Variants in PLEKHG1 observed in about 807,000 individuals in gnomAD.
PLEKHG1 encodes pleckstrin homology and RhoGEF domain containing G1.
PLEKHG1 carries 44 observed loss-of-function variants against 100.8 expected under a neutral mutation model. The observed-to-expected ratio is 0.44, with a 90% CI of 0.34 to 0.56. The LOEUF is 0.56. Ranked by LOEUF, PLEKHG1 falls within the 20% of genes least tolerant of loss-of-function variation. The pLI, the probability that PLEKHG1 is intolerant of heterozygous loss-of-function variation, is 0.01. For missense variants in PLEKHG1, 1,545 were observed against 1,720.9 expected (o/e 0.90, Z 1.81); for synonymous variants, 640 against 662.5 (o/e 0.97, Z 0.52).
rs777426332 is a variant in PLEKHG1, at chr6:150,600,758, C to T, written c.-204+741C>T. ...CCTTTTGTGTCCTCGCGGTGAGCCC[C>T]GTTCCGAAGCCGGAAGCTTGGGAAC... On this transcript the variant is annotated intron_variant, in intron 1 of 3. Transcript: ENST00000367326. The surrounding 1 kb of genome is among the most constrained non-coding windows in gnomAD (Gnocchi z 6.2). The T allele has an allele frequency of 6.6e-6, 1 of 152,296 alleles. No individual in the cohort carries two copies. The highest frequency in any genetic ancestry group is 2.4e-5 in the African/African-American group (1 of 41,468). 9.4% of individuals were successfully genotyped at this position (152,296 alleles called of 1,614,324 possible). A position where few individuals can be genotyped will look rare whatever the true frequency, so the allele number is the denominator to read the frequency against.
chr6:150,621,824 A>G (rs900776312), intron 1 of PLEKHG1, among the ~76,000 whole-genome samples: 1 of 152,238 alleles, frequency 6.6e-6, no homozygotes, highest in African/African-American at 2.4e-5. Flanking sequence ...TACATCTGTC[A>G]TCATTTGTGC....
chr6:150,714,642 A>C (rs1224407868), intron 3 of PLEKHG1, among the ~76,000 whole-genome samples: 1 of 152,134 alleles, frequency 6.6e-6, no homozygotes, highest in Non-Finnish European at 1.5e-5. Context: ...GGGGCTGAGA[A>C]ACTACATTTT....
At chr6:150,716,107 CAAAAA>C (rs10592056), upstream of PLEKHG1, among the ~76,000 whole-genome samples, 2 of 137,302 alleles carry the variant, frequency 1.5e-5, no homozygotes, top group African/African-American at 2.7e-5. Context: ...GACTCCGTCT[CAAAAA>C]AAAAAAAAAA....
chr6:150,730,994 C>T (rs1583019270), intron 1 of PLEKHG1, among the ~76,000 whole-genome samples: 1 of 152,232 alleles, frequency 6.6e-6, no homozygotes, highest in Non-Finnish European at 1.5e-5. Flanking sequence ...CAGATACTTC[C>T]CAAGTGAGTG....
At chr6:150,821,768 G>T (rs992365941) in intron 13 of PLEKHG1, among the ~76,000 whole-genome samples, 1 of 151,598 alleles carries the variant, frequency 6.6e-6, no homozygotes, top group African/African-American at 2.4e-5. Flanking sequence ...GGCATAAAAA[G>T]ATTATTATTC....
chr6:150,657,046 T>A (rs1460184456), intron 3 of PLEKHG1, among the ~76,000 whole-genome samples: 4 of 152,160 alleles, frequency 2.6e-5, no homozygotes, highest in African/African-American at 9.7e-5. Context: ...CCAGGACCAA[T>A]GAAGAATGAC....
chr6:150,737,413 T>A (rs1342667285), intron 2 of PLEKHG1, among the ~76,000 whole-genome samples: 1 of 150,258 alleles, frequency 6.7e-6, no homozygotes, highest in Non-Finnish European at 1.5e-5. Flanking sequence ...TGCCTCAGCC[T>A]CCCGAGTAGC....
chr6:150,658,093 C>G (rs1047643946), intron 3 of PLEKHG1, among the ~76,000 whole-genome samples: 4 of 152,176 alleles, frequency 2.6e-5, no homozygotes, highest in African/African-American at 9.7e-5. Context: ...TCCCCTCCGC[C>G]TTGTCTCCTT....
At chr6:150,744,075 T>TTTG (rs914167927) in intron 2 of PLEKHG1, among the ~76,000 whole-genome samples, 26 of 152,160 alleles carry the variant, frequency 1.7e-4, no homozygotes, top group African/African-American at 5.3e-4. Context: ...ATTTTTTATT[T>TTTG]TTGTTGTTGT....
chr6:150,727,715 C>A (rs1236729000), intron 1 of PLEKHG1, among the ~76,000 whole-genome samples: 3 of 152,210 alleles, frequency 2.0e-5, no homozygotes, highest in Admixed American at 6.5e-5. Context: ...ACCCCCACCA[C>A]CTCCAGGTTT....
chr6:150,661,848 G>A (rs1779205970), intron 3 of PLEKHG1, among the ~76,000 whole-genome samples: 3 of 152,170 alleles, frequency 2.0e-5, no homozygotes, highest in African/African-American at 7.2e-5. Flanking sequence ...TGTAGCACTT[G>A]AACATTTGAA....
intron 3 of PLEKHG1, among the ~76,000 whole-genome samples, chr6:150,712,798 T>C (rs1781286907): frequency 6.6e-6 from 1 of 152,240 alleles, no homozygotes; most frequent in African/African-American, 2.4e-5. Flanking sequence ...ACTGGGCTTA[T>C]TCTCTAAGAT....
In PLEKHG1 at chr6:150,831,093, A is replaced by G. The variant is rs746257809; in HGVS notation, c.1982A>G (p.Tyr661Cys). 18 of 1,614,102 alleles carry G rather than the reference A, an allele frequency of 1.1e-5. No homozygotes were observed. Among genetic ancestry groups the G allele is most frequent in the Admixed American group, 1.7e-5 (1 of 60,020 alleles). The change falls in exon 15 of 16, where the codon TAT becomes TGT. Residue 661 changes from tyrosine to cysteine, a missense_variant. Coordinates refer to ENST00000358517, the Ensembl canonical transcript of PLEKHG1. The surrounding 1 kb of genome is among the most constrained non-coding windows in gnomAD (Gnocchi z 4.1). ...ACTATTGATGACATAGACCATGTCT[A>G]TGATAACATCAGTTATGAGGACTTA...
intron 2 of PLEKHG1, among the ~76,000 whole-genome samples, chr6:150,745,693 A>G (rs1434204306): frequency 1.3e-5 from 2 of 152,020 alleles, no homozygotes; most frequent in Non-Finnish European, 2.9e-5. Flanking sequence ...AAAAAAAAAA[A>G]AAAAGCAAAA....
At chr6:150,714,228 C>A (rs1781341408) in intron 3 of PLEKHG1, among the ~76,000 whole-genome samples, 1 of 152,174 alleles carries the variant, frequency 6.6e-6, no homozygotes, top group Non-Finnish European at 1.5e-5. Context: ...TTATCGAAAG[C>A]AAGAGGCTTT....
rs147946713 is a variant in PLEKHG1 at position 150,767,207 on chromosome 6, TCTTTTTTGGGC to T, written c.412-1417_412-1407del. ...TTCAATTCTGGCCTCCATTTGTTTT[TCTTTTTTGGGC>T]CTTTTTTGGGCCTGTCTGTCCTATG... is the stretch of plus-strand genomic sequence containing the variant. On this transcript the variant is annotated intron_variant, in intron 2 of 15. Coordinates refer to ENST00000358517, the Ensembl canonical transcript of PLEKHG1. 8.1e-3 allele frequency among the ~76,000 whole-genome samples: 1,235 copies of T among 152,310 alleles called. 14 individuals are homozygous for T. The highest frequency in any genetic ancestry group is 0.027 in the African/African-American group (1,109 of 41,556).
chr6:150,801,588 C>T (rs1172469874), intron 6 of PLEKHG1, among the ~76,000 whole-genome samples: 1 of 151,782 alleles, frequency 6.6e-6, no homozygotes, highest in African/African-American at 2.4e-5. Context: ...TAGGTGTGCA[C>T]CACCATGCCT....
At chr6:150,770,872 C>T (rs970705631) in intron 3 of PLEKHG1, among the ~76,000 whole-genome samples, 2 of 152,216 alleles carry the variant, frequency 1.3e-5, no homozygotes, top group African/African-American at 4.8e-5. Flanking sequence ...TGTGGTTTGG[C>T]TGTGAGTTGA....
intron 1 of PLEKHG1, among the ~76,000 whole-genome samples, chr6:150,626,421 G>A (rs992561440): frequency 2.6e-5 from 4 of 152,160 alleles, no homozygotes; most frequent in South Asian, 2.1e-4. Context: ...TTGACGCCTC[G>A]GGATCAGGAG....
Sources: gnomAD v4.1 joint callset for allele counts (sites outside exome capture counted in the v4.1 genomes callset) on GRCh38, gnomAD v4.1.1 for gene constraint, Gnocchi (gnomAD v3.1) non-coding constraint, MANE v1.5 for transcripts, NCBI Gene and HGNC (gene_info 2026-07-23, HGNC 2026-07-21) for gene names.